BCO1: variants seen among roughly 807,000 people sequenced by gnomAD.
BCO1 encodes beta-carotene oxygenase 1.
In BCO1, 54 loss-of-function variants were observed where a neutral mutation model predicts 56.3. The observed-to-expected ratio is 0.96, with a 90% CI of 0.77 to 1.20. BCO1 has a LOEUF of 1.20. BCO1 is among the 50% of genes most tolerant of loss of function. The pLI, the probability that BCO1 is intolerant of heterozygous loss-of-function variation, is 0.00. For synonymous variants in BCO1, 318 were observed against 266.1 expected, an observed-to-expected ratio of 1.20 and a Z score of -1.90; for missense variants, 801 against 690.9, an observed-to-expected ratio of 1.16 and a Z score of -1.79.
rs1374900638 is a variant in BCO1, at chr16:81,270,151, T to G, written c.844-8T>G. 8 of 1,613,950 alleles carry G rather than the reference T, an allele frequency of 5.0e-6. No individual in the cohort carries two copies. Among genetic ancestry groups the G allele is most frequent in the Non-Finnish European group, 6.8e-6 (8 of 1,180,024 alleles). On this transcript the variant is annotated splice_region_variant and splice_polypyrimidine_tract_variant and intron_variant, in intron 6 of 10. Transcript: ENST00000258168. ...TGAGCTGAGCCCTTGATATGTGTCCTTTTTCAGACTTATATCCACATCATC... is the reference window on the plus strand; with the variant it reads ...TGAGCTGAGCCCTTGATATGTGTCCGTTTTCAGACTTATATCCACATCATC...
At chr16:81,240,457 G>C (rs1046948353) in intron 1 of BCO1, among the ~76,000 whole-genome samples, 3 of 152,128 alleles carry the variant, frequency 2.0e-5, no homozygotes, top group Non-Finnish European at 4.4e-5. Context: ...TGTGGTCCCA[G>C]CACTTTCGGA....
At chr16:81,264,917 T>A in intron 5 of BCO1, 130 bp downstream of exon 5, 1 of 1,027,912 alleles carries the variant, frequency 9.7e-7, no homozygotes, top group Admixed American at 1.9e-5. Flanking sequence ...AGGTGGACCA[T>A]GAAGTCAGTA....
At chr16:81,264,931 T>C (rs867118720) in intron 5 of BCO1, 144 bp downstream of exon 5, 3 of 911,664 alleles carry the variant, frequency 3.3e-6, no homozygotes, top group South Asian at 3.0e-5. Context: ...GTCAGTACTT[T>C]CCTTTAGAAG....
Position 81,285,545 on chromosome 16 carries a change from G to C in BCO1, c.1213G>C (p.Glu405Gln). Reference protein sequence around the residue: ...CQPEFLYEGLELPRVNYAHNG... With the variant: ...CQPEFLYEGLQLPRVNYAHNG... ...ACCTCCTCATTTCCTTGTAGGCTTA[G>C]AGCTTCCACGGGTCAATTATGCTCA... Residue 405 changes from glutamate (E) to glutamine (Q), a missense_variant, in exon 9 of 11, where the codon GAG becomes CAG. Physicochemically the swap from Glu to Gln is conservative, Grantham distance 29 (BLOSUM62 2). Coordinates refer to ENST00000258168, the MANE Select transcript of BCO1 (RefSeq NM_017429.3). The C allele has an allele frequency of 1.2e-6, 2 of 1,612,220 alleles. No homozygotes were observed. The highest frequency in any genetic ancestry group is 1.7e-6 in the Non-Finnish European group (2 of 1,178,290).
intron 1 of BCO1, 54 bp downstream of exon 1, chr16:81,239,026 T>A (rs955810252): frequency 3.0e-5 from 46 of 1,514,610 alleles, no homozygotes; most frequent in Middle Eastern, 2.3e-4. Context: ...TATTATTTTT[T>A]TTTTTTTTGA....
At chr16:81,260,405 A>G (rs1439805892) in intron 3 of BCO1, among the ~76,000 whole-genome samples, 2 of 152,180 alleles carry the variant, frequency 1.3e-5, no homozygotes, top group Admixed American at 6.5e-5. Context: ...TTGCTTGTAC[A>G]TGCATAAAGA....
chr16:81,264,768 G>T lies in BCO1; in HGVS notation c.600G>T (p.Lys200Asn). The T allele has an allele frequency of 6.2e-7, 1 of 1,614,144 alleles. No homozygotes were observed. Among genetic ancestry groups the T allele is most frequent in the Non-Finnish European group, 8.5e-7 (1 of 1,180,034 alleles). ...EKGKTKYVIFKIPATVPEGKK... is the reference protein window; with the variant it reads ...EKGKTKYVIFNIPATVPEGKK... ...GGAAGACAAAGTATGTGATTTTTAA[G>T]ATCCCTGCCACAGTACCAGGTAGGC... The change falls in exon 5 of 11, where the codon AAG (lysine) becomes AAT (asparagine). Residue 200 changes from lysine to asparagine, a missense_variant. By Grantham distance (94) the Lys-to-Asn change is moderately conservative. Coordinates refer to ENST00000258168, the MANE Select transcript of BCO1 (RefSeq NM_017429.3).
chr16:81,242,494 C>G (rs957487181), intron 1 of BCO1, among the ~76,000 whole-genome samples: 5 of 152,140 alleles, frequency 3.3e-5, no homozygotes, highest in Non-Finnish European at 7.4e-5. Flanking sequence ...AGCCACCGCG[C>G]TGGCCTCGGC....
chr16:81,274,235 G>A (rs1387738754), intron 7 of BCO1, among the ~76,000 whole-genome samples: 1 of 149,068 alleles, frequency 6.7e-6, no homozygotes, highest in Non-Finnish European at 1.5e-5. Flanking sequence ...TTGGAACCAA[G>A]CTAAGAATGT....
chr16:81,243,741 T>G (rs889194434), intron 1 of BCO1, among the ~76,000 whole-genome samples: 1 of 152,160 alleles, frequency 6.6e-6, no homozygotes, highest in African/African-American at 2.4e-5. Context: ...GTGCTGGGAT[T>G]CAGGTATGCC....
In BCO1 at chr16:81,290,709, G is replaced by A. The variant is rs979761961; in HGVS notation, c.*132G>A. On this transcript the variant is annotated 3_prime_UTR_variant, in exon 11 of 11. Coordinates refer to ENST00000258168, the MANE Select transcript of BCO1 (RefSeq NM_017429.3). Reference sequence around the variant, plus strand: ...TCTGTGGGTGCTTTGACAAGGGCATGGCAAGAGAGCTTGTCAGTATCATTT... The same window carrying A: ...TCTGTGGGTGCTTTGACAAGGGCATAGCAAGAGAGCTTGTCAGTATCATTT... 6 of 690,466 alleles carry A rather than the reference G, an allele frequency of 8.7e-6. No individual in the cohort carries two copies. In the Admixed American group the frequency reaches 1.7e-4, roughly 19 times the overall value. The allele number at this position is 690,466 out of a possible 1,614,324, so 42.8% of individuals were successfully genotyped here. A position where few individuals can be genotyped will look rare whatever the true frequency, so the allele number is the denominator to read the frequency against.
intron 7 of BCO1, among the ~76,000 whole-genome samples, chr16:81,273,438 C>G (rs774955922): frequency 3.9e-5 from 6 of 152,140 alleles, no homozygotes; most frequent in Non-Finnish European, 8.8e-5. Flanking sequence ...CCCACCCTTA[C>G]CGCCCAGTTT....
chr16:81,264,600 C>T lies in BCO1; in HGVS notation c.472-40C>T, dbSNP rs201220518. 175 of 1,608,946 alleles carry T rather than the reference C, an allele frequency of 1.1e-4. 1 individual carries two copies. The African/African-American group carries it at 2.0e-3, about 19-fold the overall frequency. ...ATGTCATATCTTGCAGGTTGATTATCGTAAATACTTTAAAAAACAGGAGGT... is the reference window on the plus strand; with the variant it reads ...ATGTCATATCTTGCAGGTTGATTATTGTAAATACTTTAAAAAACAGGAGGT... On this transcript the variant is annotated intron_variant, in intron 4 of 10. Coordinates refer to ENST00000258168, the MANE Select transcript of BCO1 (RefSeq NM_017429.3).
intron 2 of BCO1, among the ~76,000 whole-genome samples, chr16:81,257,655 C>T (rs1348217007): frequency 6.6e-6 from 1 of 151,862 alleles, no homozygotes; most frequent in Non-Finnish European, 1.5e-5. Context: ...GCAGGTGGGT[C>T]TCCTGTGGTC....
rs150794554 is a variant in BCO1, at chr16:81,287,070, C to T, written c.1303-225C>T. ...AGCCTGGGCAACAGCCTGGAAACTC[C>T]GTCTCAAAAAACAAACAAACAAACA... On this transcript the variant is annotated intron_variant, in intron 9 of 10. Coordinates refer to ENST00000258168, the MANE Select transcript of BCO1 (RefSeq NM_017429.3). Among the ~76,000 whole-genome samples the T allele has an allele frequency of 8.4e-3, 1,260 of 150,850 alleles. 7 individuals are homozygous for T. The highest frequency in any genetic ancestry group is 0.012 in the Non-Finnish European group (815 of 67,674).
Position 81,290,431 on chromosome 16 carries a change from T to C in BCO1, c.1498T>C (p.Leu500=), listed in dbSNP as rs1908398008. The change falls in exon 11 of 11, where the codon TTG becomes CTG. Residue 500 remains leucine (L), a synonymous_variant. Coordinates refer to ENST00000258168, the MANE Select transcript of BCO1 (RefSeq NM_017429.3). ...LILDAKSFTE[L]ARASVDVDMH... is the part of the protein sequence containing the mutation. ...TCTGGATGCCAAAAGCTTTACGGAATTGGCCCGTGCCTCTGTTGATGTCGA... is the reference window on the plus strand; with the variant it reads ...TCTGGATGCCAAAAGCTTTACGGAACTGGCCCGTGCCTCTGTTGATGTCGA... 4 of 1,614,240 alleles carry C rather than the reference T, an allele frequency of 2.5e-6. No homozygotes were observed. The highest frequency in any genetic ancestry group is 3.4e-6 in the Non-Finnish European group (4 of 1,180,040).
intron 6 of BCO1, 113 bp from the exon 7 acceptor site, chr16:81,270,046 G>A (rs1907086084): frequency 7.4e-7 from 1 of 1,354,668 alleles, no homozygotes; most frequent in Non-Finnish European, 1.0e-6. Context: ...GCAGAATGGG[G>A]ACATAGTCCT....
At position 81,270,259 on chromosome 16, in the gene BCO1, A is replaced by T; in HGVS notation, c.944A>T (p.Glu315Val). 1.9e-6 allele frequency: 3 copies of T among 1,614,226 alleles called. No individual in the cohort carries two copies. In the South Asian group the frequency reaches 3.3e-5, roughly 18 times the overall value. Residue 315 changes from glutamate to valine, a missense_variant, in exon 7 of 11, where the codon GAG becomes GTG. Coordinates refer to ENST00000258168, the MANE Select transcript of BCO1 (RefSeq NM_017429.3). ...TTCCATCACGTCAACGCCTACGAAGAGGACGGCTGCATCGTGTTTGACGTC... is the reference window on the plus strand; with the variant it reads ...TTCCATCACGTCAACGCCTACGAAGTGGACGGCTGCATCGTGTTTGACGTC... ...VVFHHVNAYE[E>V]DGCIVFDVIA...
chr16:81,260,482 TTTTA>T (rs1186342990), intron 3 of BCO1, among the ~76,000 whole-genome samples: 2 of 152,034 alleles, frequency 1.3e-5, no homozygotes, highest in East Asian at 3.8e-4. Flanking sequence ...GCTGTATATA[TTTTA>T]TTTCATTTCA....
Sources: gnomAD v4.1 joint callset for allele counts (sites outside exome capture counted in the v4.1 genomes callset) on GRCh38, gnomAD v4.1.1 for gene constraint, MANE v1.5 for transcripts, NCBI Gene and HGNC (gene_info 2026-07-23, HGNC 2026-07-21) for gene names.